The following ATP8B4 variants were observed in gnomAD, a reference collection of about 807,000 sequenced individuals.
ATP8B4 encodes the protein ATPase phospholipid transporting 8B4 (putative).
A neutral mutation model predicts 145.6 loss-of-function variants in ATP8B4; 133 were observed. The observed-to-expected ratio is 0.91, with a 90% CI of 0.79 to 1.05. The LOEUF is 1.05. ATP8B4 is among the 50% of genes least tolerant of loss of function. ATP8B4 has a pLI of 0.00. For missense variants in ATP8B4, 1,458 were observed against 1,425.2 expected (o/e 1.02, Z -0.37); for synonymous variants, 507 against 492.9 (o/e 1.03, Z -0.38).
intron 4 of ATP8B4, among the ~76,000 whole-genome samples, chr15:50,045,488 C>T (rs1458015513): frequency 1.3e-5 from 2 of 152,106 alleles, no homozygotes; most frequent in Non-Finnish European, 2.9e-5. Flanking sequence ...TGAAAATCTG[C>T]TGCTTCGGGG....
intron 2 of ATP8B4, among the ~76,000 whole-genome samples, chr15:50,096,967 CTTCAT>C (rs765134919): frequency 3.4e-4 from 51 of 152,126 alleles, no homozygotes; most frequent in Non-Finnish European, 7.1e-4. Context: ...CCACGTGGTA[CTTCAT>C]TTCAACAGCC....
At chr15:50,171,929 C>T (rs1172571116) in intron 1 of ATP8B4, among the ~76,000 whole-genome samples, 1 of 152,152 alleles carries the variant, frequency 6.6e-6, no homozygotes, top group East Asian at 1.9e-4. Flanking sequence ...TTCAAGGCTA[C>T]TATGAACACC....
intron 1 of ATP8B4, among the ~76,000 whole-genome samples, chr15:50,111,197 A>G (rs1018354220): frequency 6.6e-6 from 1 of 152,190 alleles, no homozygotes; most frequent in Non-Finnish European, 1.5e-5. Flanking sequence ...ATTAAAATGG[A>G]GAGTCTCTTT....
intron 3 of ATP8B4, among the ~76,000 whole-genome samples, chr15:50,065,090 G>A (rs2053287032): frequency 1.3e-5 from 2 of 152,228 alleles, no homozygotes; most frequent in Non-Finnish European, 2.9e-5. Flanking sequence ...TATGAGAGTA[G>A]ATTTTAAGTG....
At chr15:49,908,095 C>T (rs1213649227) in intron 20 of ATP8B4, 2 of 455,894 alleles carry the variant, frequency 4.4e-6, no homozygotes, top group South Asian at 1.5e-5. Context: ...AACAGTAATG[C>T]CTACGATTGA....
chr15:50,174,272 T>C lies in ATP8B4; in HGVS notation c.-43+7989A>G, dbSNP rs575284159. 2.6e-5 allele frequency among the ~76,000 whole-genome samples: 4 copies of C among 152,276 alleles called. No individual in the cohort carries two copies. In the East Asian group the frequency reaches 5.8e-4, roughly 22 times the overall value. ...ACACTGTCACCACTCCTCTTCAGCA[T>C]AGTACTGGAAGTCCTAGCCAGAGTA... On this transcript the variant is annotated intron_variant, in intron 1 of 3. Coordinates refer to the ATP8B4 transcript ENST00000558829.
At chr15:50,009,645 C>A (rs1857192649) in intron 7 of ATP8B4, 3 of 454,442 alleles carry the variant, frequency 6.6e-6, no homozygotes, top group South Asian at 4.7e-5. Flanking sequence ...CAGACACCAC[C>A]TTCCAGGGTA....
intron 20 of ATP8B4, among the ~76,000 whole-genome samples, chr15:49,915,027 C>A (rs1039588196): frequency 1.3e-5 from 2 of 152,054 alleles, no homozygotes; most frequent in Admixed American, 1.3e-4. Context: ...TGTAGCACTA[C>A]TCATAATATC....
At chr15:49,949,894 C>T (rs2042914633) in intron 14 of ATP8B4, among the ~76,000 whole-genome samples, 1 of 152,088 alleles carries the variant, frequency 6.6e-6, no homozygotes, top group Non-Finnish European at 1.5e-5. Context: ...TATCAAAGGC[C>T]TTTTCTGCAT....
intron 2 of ATP8B4, among the ~76,000 whole-genome samples, chr15:50,105,913 A>C (rs2153667444): frequency 1.0e-5 from 1 of 98,010 alleles, no homozygotes; most frequent in South Asian, 4.2e-4. Flanking sequence ...ATTGTATATA[A>C]ATAAATCATT....
intron 14 of ATP8B4, among the ~76,000 whole-genome samples, chr15:49,954,664 T>C (rs1256907308): frequency 3.3e-5 from 5 of 151,712 alleles, no homozygotes; most frequent in Non-Finnish European, 7.4e-5. Flanking sequence ...TGTTAAAAAA[T>C]CAAAAAACAA....
At chr15:49,889,481 C>T (rs1054200883) in intron 23 of ATP8B4, among the ~76,000 whole-genome samples, 21 of 152,214 alleles carry the variant, frequency 1.4e-4, no homozygotes, top group Non-Finnish European at 2.2e-4. Context: ...ACATAAGCAA[C>T]GTACTGAAGT....
chr15:50,050,260 T>C (rs190948080), intron 3 of ATP8B4, among the ~76,000 whole-genome samples: 4 of 152,250 alleles, frequency 2.6e-5, no homozygotes, highest in Admixed American at 6.5e-5. Context: ...CTATGTATAG[T>C]AAGGACTTTG....
At chr15:50,117,270 G>C (rs192352910) in intron 1 of ATP8B4, among the ~76,000 whole-genome samples, 5 of 151,998 alleles carry the variant, frequency 3.3e-5, no homozygotes, top group African/African-American at 1.2e-4. Context: ...GGGTAGTCTC[G>C]AACTCCTGAC....
chr15:49,861,942 A>G (rs1338306146), intron 27 of ATP8B4, among the ~76,000 whole-genome samples: 1 of 152,162 alleles, frequency 6.6e-6, no homozygotes, highest in Non-Finnish European at 1.5e-5. Context: ...CCCTTGGAAA[A>G]ATTGTCCAAA....
intron 23 of ATP8B4, chr15:49,880,252 T>C (rs1313834400): frequency 6.6e-6 from 1 of 152,218 alleles, no homozygotes; most frequent in East Asian, 1.9e-4. Flanking sequence ...GAAGAAAGTC[T>C]CACTGAGAAG....
At chr15:50,180,803 T>C (rs1204035748) in intron 1 of ATP8B4, among the ~76,000 whole-genome samples, 2 of 151,620 alleles carry the variant, frequency 1.3e-5, no homozygotes, top group Non-Finnish European at 2.9e-5. Context: ...AATGAAAAAG[T>C]CAGGAAAAGG....
intron 23 of ATP8B4, among the ~76,000 whole-genome samples, chr15:49,893,243 G>A (rs2037023197): frequency 6.6e-6 from 1 of 152,154 alleles, no homozygotes; most frequent in East Asian, 1.9e-4. Context: ...ACAATTCACA[G>A]ACTAATGTGA....
intron 1 of ATP8B4, among the ~76,000 whole-genome samples, chr15:50,137,171 T>C (rs910437062): frequency 6.6e-6 from 1 of 152,214 alleles, no homozygotes; most frequent in African/African-American, 2.4e-5. Context: ...TTCCCAAAAA[T>C]ACTATCTCAT....
Sources: gnomAD v4.1 joint callset for allele counts (sites outside exome capture counted in the v4.1 genomes callset) on GRCh38, gnomAD v4.1.1 for gene constraint, MANE v1.5 for transcripts, NCBI Gene and HGNC (gene_info 2026-07-23, HGNC 2026-07-21) for gene names.